The following DNAH3 variants were observed in gnomAD, a reference collection of about 807,000 sequenced individuals.
DNAH3 encodes axonemal beta dynein heavy chain 3.
In DNAH3, 332 loss-of-function variants were observed where a neutral mutation model predicts 432.5. The observed-to-expected ratio is 0.77, with a 90% CI of 0.70 to 0.84. The LOEUF (loss-of-function observed/expected upper bound fraction) is 0.84. DNAH3 is among the 40% of genes least tolerant of loss of function. DNAH3 has a pLI of 0.00. For synonymous variants in DNAH3, 1,956 were observed against 1,900.2 expected, an observed-to-expected ratio of 1.03 and a Z score of -0.76; for missense variants, 4,861 against 5,114.0, an observed-to-expected ratio of 0.95 and a Z score of 1.51.
intron 40 of DNAH3, among the ~76,000 whole-genome samples, chr16:21,020,559 C>T (rs2088155207): frequency 6.7e-6 from 1 of 149,868 alleles, no homozygotes; most frequent in Admixed American, 6.7e-5. Flanking sequence ...CCCGCCACCT[C>T]ACCCTGCTAA....
At chr16:21,137,612 G>A (rs577305844) in intron 5 of DNAH3, among the ~76,000 whole-genome samples, 22 of 151,900 alleles carry the variant, frequency 1.4e-4, no homozygotes, top group Admixed American at 3.9e-4. Context: ...TAGTGGAGAC[G>A]GGGTTTCACC....
At chr16:21,067,212 C>A in intron 24 of DNAH3, 71 bp downstream of exon 24, 1 of 1,567,418 alleles carries the variant, frequency 6.4e-7, no homozygotes, top group East Asian at 2.2e-5. Flanking sequence ...CAACTCTTGG[C>A]ATGAAAAATG....
intron 7 of DNAH3, among the ~76,000 whole-genome samples, chr16:21,130,386 C>A (rs958850860): frequency 2.0e-5 from 3 of 151,558 alleles, no homozygotes; most frequent in Non-Finnish European, 2.9e-5. Flanking sequence ...CTCACTGCAG[C>A]CTCAGCTTCT....
intron 21 of DNAH3, among the ~76,000 whole-genome samples, chr16:21,072,875 G>C (rs533411750): frequency 6.6e-6 from 1 of 150,382 alleles, no homozygotes; most frequent in Non-Finnish European, 1.5e-5. Flanking sequence ...GTAGAGAGGG[G>C]GTGTTGCTGT....
At chr16:21,000,482 G>A (rs780687704) in exon 43 of DNAH3, 48 of 1,612,444 alleles carry the variant, frequency 3.0e-5, no homozygotes, top group South Asian at 5.5e-5. Context: ...AAGGACTGCC[G>A]GGCTGTCTCC....
At position 21,062,628 on chromosome 16, in the gene DNAH3, G is replaced by C. The variant is rs528623442; in HGVS notation, c.3574C>G (p.Pro1192Ala). Residue 1192 changes from proline to alanine, a missense_variant, in exon 25 of 62, where the codon CCT (proline) becomes GCT (alanine). Coordinates refer to ENST00000261383, the Ensembl canonical transcript of DNAH3. ...TTCAAGTGCGGCTGCACTCGGAGAG[G>C]GTCCTTTGTCTCGGACAAGATTTCC... 32 of 1,613,878 alleles carry C rather than the reference G, an allele frequency of 2.0e-5. No homozygotes were observed. The highest frequency in any genetic ancestry group is 2.5e-5 in the Non-Finnish European group (30 of 1,179,958).
chr16:20,963,417 C>G (rs371985123), exon 53 of DNAH3: 25 of 1,613,966 alleles, frequency 1.5e-5, no homozygotes, highest in Non-Finnish European at 2.1e-5. Flanking sequence ...CAATGAACTC[C>G]CGGACCGCTG....
intron 19 of DNAH3, among the ~76,000 whole-genome samples, chr16:21,086,591 G>A (rs1358543611): frequency 6.6e-6 from 1 of 152,166 alleles, no homozygotes; most frequent in African/African-American, 2.4e-5. Context: ...GACCCTTTGT[G>A]GTCATTGGCT....
chr16:21,037,715 A>G, intron 34 of DNAH3, 46 bp downstream of exon 34: 1 of 1,553,912 alleles, frequency 6.4e-7, no homozygotes, highest in East Asian at 2.3e-5. Context: ...TTCATCTTCC[A>G]ACATTGAGCC....
rs145354403 is a variant in DNAH3 at position 21,134,210 on chromosome 16, T to C, written c.1082+49A>G. 6,707 of 1,560,938 alleles carry C rather than the reference T, an allele frequency of 4.3e-3. 20 individuals carry two copies. The highest frequency in any genetic ancestry group is 5.1e-3 in the Non-Finnish European group (5,844 of 1,146,784). On this transcript the variant is annotated intron_variant, in intron 7 of 61. Coordinates refer to ENST00000261383, the Ensembl canonical transcript of DNAH3. Reference sequence around the variant, plus strand: ...ACAGCAGAATAGGCTTGCTTACACGTGGATGTGGTCAAGAAAGGGAATGAA... The same window carrying C: ...ACAGCAGAATAGGCTTGCTTACACGCGGATGTGGTCAAGAAAGGGAATGAA...
exon 30 of DNAH3, chr16:21,049,998 T>G (rs1434565455): frequency 6.2e-7 from 1 of 1,614,004 alleles, no homozygotes; most frequent in Non-Finnish European, 8.5e-7. Flanking sequence ...AAGGTTCAGC[T>G]TCAAAGCTCC....
intron 7 of DNAH3, among the ~76,000 whole-genome samples, chr16:21,130,645 C>G (rs2092539917): frequency 6.6e-6 from 1 of 152,116 alleles, no homozygotes; most frequent in African/African-American, 2.4e-5. Flanking sequence ...TAAAATTCTT[C>G]TAAATGATTT....
chr16:21,023,237 A>C (rs963465623), intron 39 of DNAH3, among the ~76,000 whole-genome samples: 2 of 152,224 alleles, frequency 1.3e-5, no homozygotes, highest in Non-Finnish European at 2.9e-5. Context: ...CAGTCAATAA[A>C]TATTTATTGA....
chr16:20,990,786 C>T (rs749183610), intron 44 of DNAH3, among the ~76,000 whole-genome samples: 1 of 152,040 alleles, frequency 6.6e-6, no homozygotes, highest in African/African-American at 2.4e-5. Context: ...CTTTGGGAGG[C>T]CGAGGCGTGC....
At chr16:21,125,183 T>A (rs781178741) in exon 9 of DNAH3, 1 of 1,602,468 alleles carries the variant, frequency 6.2e-7, no homozygotes, top group East Asian at 2.2e-5. Context: ...ACTTTGTGTA[T>A]CATGAAAAGG....
At position 20,964,051 on chromosome 16, in the gene DNAH3, TTC is replaced by T; in HGVS notation, c.9831_9832del (p.Lys3278SerfsTer10). 3.7e-6 allele frequency: 6 copies of T among 1,614,180 alleles called. No homozygotes were observed. The highest frequency in any genetic ancestry group is 2.2e-5 in the East Asian group (1 of 44,878). On this transcript the variant is annotated frameshift_variant, in exon 53 of 62. Transcript: ENST00000261383. LOFTEE classifies it high-confidence loss of function. ...CTGCGTTTCTGTCATGGAAGCAACT[TTC>T]TGTTTCTCTGAGATCTCTTCAGATA...
chr16:20,971,843 G>A (rs992856785), intron 51 of DNAH3, among the ~76,000 whole-genome samples: 1 of 152,220 alleles, frequency 6.6e-6, no homozygotes, highest in African/African-American at 2.4e-5. Flanking sequence ...ATAGAGCAAA[G>A]TACAGCAGTT....
chr16:20,943,353 T>C (rs2083900359), intron 58 of DNAH3, among the ~76,000 whole-genome samples: 1 of 151,978 alleles, frequency 6.6e-6, no homozygotes, highest in Non-Finnish European at 1.5e-5. Context: ...GCTAGGGTTA[T>C]AGGCATGAGC....
chr16:21,059,361 T>C (rs1198042234), intron 26 of DNAH3, among the ~76,000 whole-genome samples: 1 of 152,232 alleles, frequency 6.6e-6, no homozygotes. Context: ...GGGACTGGTC[T>C]TTCATTTTAC....
Sources: gnomAD v4.1 joint callset for allele counts (sites outside exome capture counted in the v4.1 genomes callset) on GRCh38, gnomAD v4.1.1 for gene constraint, MANE v1.5 for transcripts, NCBI Gene and HGNC (gene_info 2026-07-23, HGNC 2026-07-21) for gene names.